Variants in SUGCT observed in about 807,000 individuals in gnomAD.
The protein encoded by SUGCT is succinyl-CoA:glutarate CoA-transferase.
In SUGCT, 41 loss-of-function variants were observed where a neutral mutation model predicts 55.0. That is an observed-to-expected ratio of 0.74 (90% confidence interval 0.58 to 0.97). The LOEUF is 0.97. Ranked by LOEUF, SUGCT falls within the 50% of genes least tolerant of loss-of-function variation. The probability of loss-of-function intolerance (pLI) is 0.00; values close to 1 mark genes in which losing one functional copy is unlikely to be tolerated. For missense variants in SUGCT, 568 were observed against 547.8 expected (o/e 1.04, Z -0.37); for synonymous variants, 187 against 200.4 (o/e 0.93, Z 0.56).
chr7:40,253,912 C>T (rs1430274102), intron 7 of SUGCT, among the ~76,000 whole-genome samples: 2 of 152,238 alleles, frequency 1.3e-5, no homozygotes, highest in South Asian at 2.1e-4. Context: ...TCTACCTTTA[C>T]ACAACTTACT....
At chr7:40,864,730 AAGAG>A (rs144712329), downstream of SUGCT, among the ~76,000 whole-genome samples, 2 of 152,006 alleles carry the variant, frequency 1.3e-5, no homozygotes, top group Non-Finnish European at 2.9e-5. Context: ...GGGAAAGGGA[AAGAG>A]AGAGCACACC....
intron 9 of SUGCT, among the ~76,000 whole-genome samples, chr7:40,354,562 T>C (rs530611963): frequency 1.3e-5 from 2 of 152,272 alleles, no homozygotes; most frequent in Non-Finnish European, 1.5e-5. Context: ...TAATGAAAAG[T>C]TGGCTGGGTA....
intron 6 of SUGCT, among the ~76,000 whole-genome samples, chr7:40,196,252 G>A (rs1409861056): frequency 2.0e-5 from 3 of 152,134 alleles, no homozygotes; most frequent in Admixed American, 6.6e-5. Context: ...TTAGGGATGC[G>A]ATAGAGAAAA....
chr7:41,015,425 TC>T, the SUGCT span, among the ~76,000 whole-genome samples: 1 of 152,168 alleles, frequency 6.6e-6, no homozygotes, highest in Non-Finnish European at 1.5e-5. Context: ...TTACCTGCCG[TC>T]ATATTTTTAA....
At chr7:40,714,431 T>C (rs1487942275) in intron 12 of SUGCT, among the ~76,000 whole-genome samples, 1 of 152,208 alleles carries the variant, frequency 6.6e-6, no homozygotes, top group Non-Finnish European at 1.5e-5. Context: ...ATTTGTCATA[T>C]ACTTATTTAA....
At chr7:40,179,818 T>TA (rs1393201755) in intron 1 of SUGCT, among the ~76,000 whole-genome samples, 19 of 152,324 alleles carry the variant, frequency 1.2e-4, no homozygotes, top group African/African-American at 4.3e-4. Context: ...TGTAAGCACT[T>TA]ATCCTGCCTC....
intron 13 of SUGCT, among the ~76,000 whole-genome samples, chr7:40,771,853 A>G (rs1217058573): frequency 6.6e-6 from 1 of 152,172 alleles, no homozygotes. Context: ...TGAGCACATA[A>G]ATTGGGGAAG....
At chr7:41,028,414 A>G in the SUGCT span, among the ~76,000 whole-genome samples, 3 of 152,242 alleles carry the variant, frequency 2.0e-5, no homozygotes, top group Non-Finnish European at 2.9e-5. Flanking sequence ...AAAGCAACAT[A>G]CAGTCATGAG....
intron 9 of SUGCT, among the ~76,000 whole-genome samples, chr7:40,416,209 A>C (rs1583632210): frequency 6.6e-6 from 1 of 151,688 alleles, no homozygotes; most frequent in Non-Finnish European, 1.5e-5. Flanking sequence ...TTTCTGTTTT[A>C]ATTTCTTGTT....
chr7:40,498,750 A>ATGATGT (rs1792121067), intron 12 of SUGCT, among the ~76,000 whole-genome samples: 1 of 152,212 alleles, frequency 6.6e-6, no homozygotes, highest in Non-Finnish European at 1.5e-5. Context: ...GCCTAGTAGT[A>ATGATGT]GCTGTGGTTA....
intron 9 of SUGCT, among the ~76,000 whole-genome samples, chr7:40,398,764 AT>A (rs1785895982): frequency 6.6e-6 from 1 of 152,160 alleles, no homozygotes; most frequent in Non-Finnish European, 1.5e-5. Flanking sequence ...GATATAATTT[AT>A]TTAGCATGAT....
intron 11 of SUGCT, among the ~76,000 whole-genome samples, chr7:40,461,094 C>T (rs1021200167): frequency 2.6e-5 from 4 of 152,230 alleles, no homozygotes; most frequent in South Asian, 2.1e-4. Flanking sequence ...TCTTCTAGCA[C>T]GTCTCTCTTC....
chr7:40,807,056 T>C (rs2128754131), intron 13 of SUGCT, among the ~76,000 whole-genome samples: 1 of 152,346 alleles, frequency 6.6e-6, no homozygotes, highest in East Asian at 1.9e-4. Context: ...CAATGTTCAT[T>C]ACTCAAAAGA....
chr7:40,877,706 A>G, the SUGCT span, among the ~76,000 whole-genome samples: 1 of 152,204 alleles, frequency 6.6e-6, no homozygotes, highest in Non-Finnish European at 1.5e-5. Context: ...AGATTTTGAG[A>G]TTCTCAGTTC....
intron 13 of SUGCT, among the ~76,000 whole-genome samples, chr7:40,784,289 A>G (rs555542827): frequency 6.6e-6 from 1 of 152,216 alleles, no homozygotes; most frequent in Non-Finnish European, 1.5e-5. Flanking sequence ...GCATGCTTTT[A>G]CCATCATCTG....
At chr7:40,224,556 A>T (rs1385020502) in intron 6 of SUGCT, among the ~76,000 whole-genome samples, 2 of 151,962 alleles carry the variant, frequency 1.3e-5, no homozygotes, top group Non-Finnish European at 2.9e-5. Flanking sequence ...AGTTTTGAAG[A>T]CTTTTTTTCC....
At chr7:40,444,502 AC>A (rs1403800961) in intron 9 of SUGCT, among the ~76,000 whole-genome samples, 1 of 151,990 alleles carries the variant, frequency 6.6e-6, no homozygotes, top group Non-Finnish European at 1.5e-5. Context: ...ATGGGTGTTC[AC>A]TCGTGATTTG....
chr7:40,351,187 A>G (rs922645843), intron 9 of SUGCT, among the ~76,000 whole-genome samples: 1 of 152,022 alleles, frequency 6.6e-6, no homozygotes, highest in Non-Finnish European at 1.5e-5. Context: ...TGCCCAACTC[A>G]TATTTGTTTT....
chr7:40,823,095 G>A (rs997548355), intron 13 of SUGCT, among the ~76,000 whole-genome samples: 3 of 152,072 alleles, frequency 2.0e-5, no homozygotes, highest in Non-Finnish European at 4.4e-5. Context: ...GTATTCTAGA[G>A]CTTTTTGTTT....
Sources: allele counts gnomAD v4.1 joint callset (sites outside exome capture counted in the v4.1 genomes callset), GRCh38; gene constraint gnomAD v4.1.1; transcripts MANE v1.5; gene names NCBI Gene and HGNC (gene_info 2026-07-23, HGNC 2026-07-21).